KHDRBS2: variants seen among roughly 807,000 people sequenced by gnomAD.
KHDRBS2 encodes KH domain-containing, RNA-binding, signal transduction-associated protein 2.
KHDRBS2 carries 26 observed loss-of-function variants against 44.3 expected under a neutral mutation model. That is an observed-to-expected ratio of 0.59 (90% CI 0.43 to 0.81). KHDRBS2 has a LOEUF of 0.81. Ranked by LOEUF, KHDRBS2 falls within the 40% of genes least tolerant of loss-of-function variation. KHDRBS2 has a pLI of 0.00. For missense variants in KHDRBS2, 476 were observed against 433.1 expected (o/e 1.10, Z -0.88); for synonymous variants, 194 against 151.1 (o/e 1.28, Z -2.08).
chr6:62,104,713 C>A (rs1162396972), intron 2 of KHDRBS2, among the ~76,000 whole-genome samples: 2 of 151,276 alleles, frequency 1.3e-5, no homozygotes, highest in African/African-American at 4.9e-5. Flanking sequence ...AAATCAATGA[C>A]CTCAGGTTAC....
intron 3 of KHDRBS2, among the ~76,000 whole-genome samples, chr6:62,019,819 C>CT (rs927392780): frequency 6.6e-6 from 1 of 151,484 alleles, no homozygotes; most frequent in Non-Finnish European, 1.5e-5. Context: ...TTATTTTTCT[C>CT]TTTTTTTTCT....
chr6:61,829,410 T>C (rs1413782603), intron 6 of KHDRBS2, among the ~76,000 whole-genome samples: 2 of 152,154 alleles, frequency 1.3e-5, no homozygotes, highest in Non-Finnish European at 2.9e-5. Flanking sequence ...GGAATCTGCC[T>C]GCCTTGGCCT....
chr6:62,118,415 C>CT (rs1806802964), intron 2 of KHDRBS2, among the ~76,000 whole-genome samples: 1 of 152,056 alleles, frequency 6.6e-6, no homozygotes, highest in Admixed American at 6.6e-5. Context: ...GGACTTTTTT[C>CT]TTTTTTTATT....
chr6:61,788,839 T>G (rs921703356), intron 6 of KHDRBS2, among the ~76,000 whole-genome samples: 24 of 151,260 alleles, frequency 1.6e-4, no homozygotes, highest in African/African-American at 4.8e-4. Context: ...TATATCATGA[T>G]GCCTGAAAAA....
chr6:62,007,724 T>C (rs1401804684), intron 3 of KHDRBS2, among the ~76,000 whole-genome samples: 1 of 151,968 alleles, frequency 6.6e-6, no homozygotes, highest in East Asian at 1.9e-4. Flanking sequence ...GGCTGAAAAA[T>C]AGATGTATAG....
chr6:62,128,958 T>C (rs1809610573), intron 2 of KHDRBS2, among the ~76,000 whole-genome samples: 2 of 152,132 alleles, frequency 1.3e-5, no homozygotes, highest in South Asian at 4.1e-4. Context: ...TTTCAGAAAA[T>C]AACTTATTCC....
At chr6:61,558,908 C>G in the KHDRBS2 span, among the ~76,000 whole-genome samples, 1 of 152,042 alleles carries the variant, frequency 6.6e-6, no homozygotes, top group Non-Finnish European at 1.5e-5. Context: ...TTGGTTGAAA[C>G]GTTTTGTAAA....
At chr6:61,786,978 ATC>A (rs1212352431) in intron 6 of KHDRBS2, among the ~76,000 whole-genome samples, 4 of 150,412 alleles carry the variant, frequency 2.7e-5, no homozygotes, top group Non-Finnish European at 5.9e-5. Flanking sequence ...TCACATAAAT[ATC>A]TTTGTATATT....
chr6:62,227,718 G>A (rs1832146126), intron 1 of KHDRBS2, among the ~76,000 whole-genome samples: 1 of 152,158 alleles, frequency 6.6e-6, no homozygotes, highest in South Asian at 2.1e-4. Context: ...AGTTTATTGA[G>A]AGTTTTTAAC....
chr6:61,584,629 TA>T, the KHDRBS2 span, among the ~76,000 whole-genome samples: 15 of 151,810 alleles, frequency 9.9e-5, no homozygotes, highest in Non-Finnish European at 1.8e-4. Context: ...TTAGGGATAT[TA>T]AAAGGATGAC....
At chr6:61,995,574 T>C (rs1204622011) in intron 3 of KHDRBS2, among the ~76,000 whole-genome samples, 1 of 152,130 alleles carries the variant, frequency 6.6e-6, no homozygotes, top group African/African-American at 2.4e-5. Context: ...GGTACTTCCT[T>C]TCACTCTCAG....
the KHDRBS2 span, among the ~76,000 whole-genome samples, chr6:61,596,343 T>A: frequency 0.59 from 89,878 of 152,040 alleles, 26,778 homozygotes; most frequent in Non-Finnish European, 0.61. Context: ...TTTTAAATTA[T>A]TTTTAGTACT....
At chr6:61,992,968 A>G (rs1247122784) in intron 3 of KHDRBS2, among the ~76,000 whole-genome samples, 1 of 152,186 alleles carries the variant, frequency 6.6e-6, no homozygotes, top group Non-Finnish European at 1.5e-5. Context: ...ATGGGAGGAA[A>G]GGTGTACTGG....
At chr6:61,772,727 T>A (rs1194917080) in intron 6 of KHDRBS2, among the ~76,000 whole-genome samples, 1 of 152,088 alleles carries the variant, frequency 6.6e-6, no homozygotes, top group East Asian at 1.9e-4. Context: ...GCCACGCTGG[T>A]GTGCTGAACC....
Position 62,205,299 on chromosome 6 carries a change from T to C in KHDRBS2, c.92-27987A>G, listed in dbSNP as rs142398981. 1.2e-3 allele frequency among the ~76,000 whole-genome samples: 187 copies of C among 152,278 alleles called. 3 individuals carry two copies. The East Asian group carries it at 0.021, about 17-fold the overall frequency. On this transcript the variant is annotated intron_variant, in intron 1 of 8. Transcript: ENST00000281156. ...TCCATAAAAATGTGGCAGGCTAACT[T>C]GTTAGTACACAAGTGAGGCAAAATG...
At chr6:61,907,442 G>T (rs894048173) in intron 4 of KHDRBS2, among the ~76,000 whole-genome samples, 2 of 152,032 alleles carry the variant, frequency 1.3e-5, no homozygotes, top group Admixed American at 6.6e-5. Flanking sequence ...TGTTTTAGTT[G>T]CCTGTGCTTT....
chr6:61,966,213 G>A (rs1451515795), intron 4 of KHDRBS2, among the ~76,000 whole-genome samples: 6 of 151,968 alleles, frequency 3.9e-5, no homozygotes, highest in South Asian at 4.1e-4. Flanking sequence ...TTATCTCATC[G>A]TAAGATAAAA....
chr6:62,255,439 C>A (rs1465886250), intron 1 of KHDRBS2, among the ~76,000 whole-genome samples: 1 of 151,936 alleles, frequency 6.6e-6, no homozygotes, highest in Non-Finnish European at 1.5e-5. Context: ...ATTGCTATCT[C>A]CATCTTATGG....
intron 1 of KHDRBS2, among the ~76,000 whole-genome samples, chr6:62,195,750 A>C (rs1208506708): frequency 6.6e-6 from 1 of 152,156 alleles, no homozygotes. Context: ...CCAGCTAAAA[A>C]AAGTCAGTGA....
Sources: allele counts gnomAD v4.1 joint callset (sites outside exome capture counted in the v4.1 genomes callset), GRCh38; gene constraint gnomAD v4.1.1; transcripts MANE v1.5; gene names NCBI Gene and HGNC (gene_info 2026-07-23, HGNC 2026-07-21).